MRTFA: variants seen among roughly 807,000 people sequenced by gnomAD.
MRTFA encodes the protein myocardin-related transcription factor A.
In MRTFA, 20 loss-of-function variants were observed where a neutral mutation model predicts 83.5. The observed-to-expected ratio is 0.24, with a 90% CI of 0.17 to 0.35. MRTFA has a LOEUF of 0.35. MRTFA is among the 10% of genes least tolerant of loss of function. The pLI is 1.00. For synonymous variants in MRTFA, 659 were observed against 541.2 expected, an observed-to-expected ratio of 1.22 and a Z score of -3.02; for missense variants, 1,200 against 1,224.7, an observed-to-expected ratio of 0.98 and a Z score of 0.30.
intron 3 of MRTFA, among the ~76,000 whole-genome samples, chr22:40,510,376 A>G (rs1376083451): frequency 6.6e-6 from 1 of 152,200 alleles, no homozygotes; most frequent in Non-Finnish European, 1.5e-5. Context: ...AAAGAAGGCA[A>G]GCTCATGTGA....
chr22:40,414,059 C>T (rs1310682856), intron 14 of MRTFA, among the ~76,000 whole-genome samples: 1 of 152,108 alleles, frequency 6.6e-6, no homozygotes, highest in Admixed American at 6.5e-5. Flanking sequence ...CCATATGAGG[C>T]GGGGTGCGTT....
rs191547255 is a variant in MRTFA, at chr22:40,444,613, G to A, written c.308-9059C>T. Among the ~76,000 whole-genome samples, 297 of 152,302 alleles carry A rather than the reference G, an allele frequency of 2.0e-3. 1 individual carries two copies. The highest frequency in any genetic ancestry group is 6.8e-3 in the African/African-American group (281 of 41,560). Reference sequence around the variant, plus strand: ...GAAACCATGGAGCCCAAAGGAAATGGCACGATATTTCTCACGTGCTATTAA... The same window carrying A: ...GAAACCATGGAGCCCAAAGGAAATGACACGATATTTCTCACGTGCTATTAA... On this transcript the variant is annotated intron_variant, in intron 4 of 14. Transcript: ENST00000355630.
chr22:40,424,335 A>T lies in MRTFA; in HGVS notation c.648T>A (p.Asp216Glu). 1 of 1,613,614 alleles carries T rather than the reference A, an allele frequency of 6.2e-7. No individual in the cohort carries two copies. The highest frequency in any genetic ancestry group is 2.2e-5 in the East Asian group (1 of 44,838). ...GGGATAAGGCATCGCTGCTGTCCTC[A>T]TCGAAGGAAGAGCTGTCTGCTACTT... The change falls in exon 8 of 15, where the codon GAT becomes GAA. Residue 216 changes from aspartate (D) to glutamate (E), a missense_variant. By Grantham distance (45) the Asp-to-Glu change is conservative. Transcript: ENST00000355630.
At chr22:40,624,602 T>C (rs2147440932) in intron 1 of MRTFA, among the ~76,000 whole-genome samples, 1 of 152,116 alleles carries the variant, frequency 6.6e-6, no homozygotes, top group East Asian at 1.9e-4. Context: ...ATCATGAAGG[T>C]AAAGTTTTGA....
At chr22:40,475,230 T>G (rs758243388) in intron 3 of MRTFA, among the ~76,000 whole-genome samples, 8 of 152,168 alleles carry the variant, frequency 5.3e-5, no homozygotes, top group African/African-American at 1.9e-4. Flanking sequence ...CTCTAATAAC[T>G]GGCCCTGTCT....
At chr22:40,501,849 G>A (rs1447253143) in intron 3 of MRTFA, among the ~76,000 whole-genome samples, 2 of 66,976 alleles carry the variant, frequency 3.0e-5, no homozygotes, top group East Asian at 5.7e-4. Flanking sequence ...CTGGCCGGGC[G>A]GGGGGCTGAC....
At chr22:40,551,657 C>T (rs1047491408) in intron 3 of MRTFA, among the ~76,000 whole-genome samples, 34 of 152,194 alleles carry the variant, frequency 2.2e-4, no homozygotes, top group African/African-American at 7.5e-4. Context: ...GCCTAAGTCA[C>T]TACACCCGGC....
At chr22:40,583,203 G>A (rs1281630815) in intron 2 of MRTFA, among the ~76,000 whole-genome samples, 2 of 152,116 alleles carry the variant, frequency 1.3e-5, no homozygotes, top group African/African-American at 4.8e-5. Context: ...ATAGCCACAT[G>A]ACAGCTCATT....
At chr22:40,542,818 G>A (rs1773847624) in intron 3 of MRTFA, among the ~76,000 whole-genome samples, 1 of 152,108 alleles carries the variant, frequency 6.6e-6, no homozygotes, top group South Asian at 2.1e-4. Flanking sequence ...CACAGAATTG[G>A]GTCTGTAGTA....
intron 2 of MRTFA, among the ~76,000 whole-genome samples, chr22:40,557,200 C>T (rs1250762582): frequency 7.2e-5 from 11 of 152,132 alleles, no homozygotes; most frequent in Admixed American, 7.2e-4. Flanking sequence ...CCACGACAGA[C>T]ATGTCTTGGG....
chr22:40,417,054 A>T lies in MRTFA; in HGVS notation c.2518-8T>A. On this transcript the variant is annotated splice_polypyrimidine_tract_variant and splice_region_variant and intron_variant, in intron 13 of 14. Coordinates refer to ENST00000355630, the MANE Select transcript of MRTFA (RefSeq NM_020831.6). ...GCTTGAGGAACCATTTTCCTGTGGG[A>T]CAAAGGAAAAAAAAAAAAGAGATAA... 1 of 1,579,798 alleles carries T rather than the reference A, an allele frequency of 6.3e-7. No individual in the cohort carries two copies. Among genetic ancestry groups the T allele is most frequent in the Non-Finnish European group, 8.6e-7 (1 of 1,162,704 alleles).
chr22:40,464,772 C>A (rs2053785442), intron 3 of MRTFA, among the ~76,000 whole-genome samples: 1 of 152,120 alleles, frequency 6.6e-6, no homozygotes, highest in Admixed American at 6.5e-5. Context: ...AGATCCAAAG[C>A]CAAACTTGTT....
intron 2 of MRTFA, among the ~76,000 whole-genome samples, chr22:40,568,735 T>C (rs553895776): frequency 6.6e-5 from 10 of 152,216 alleles, no homozygotes; most frequent in Non-Finnish European, 1.5e-4. Flanking sequence ...GTTCACACAT[T>C]ACAACTACAT....
At chr22:40,421,937 G>A (rs2052849131) in intron 9 of MRTFA, among the ~76,000 whole-genome samples, 1 of 152,248 alleles carries the variant, frequency 6.6e-6, no homozygotes, top group Non-Finnish European at 1.5e-5. Flanking sequence ...TGACCCACTA[G>A]TGGAAGAACA....
chr22:40,438,621 T>C (rs1456583829), intron 4 of MRTFA, among the ~76,000 whole-genome samples: 3 of 152,226 alleles, frequency 2.0e-5, no homozygotes, highest in Non-Finnish European at 4.4e-5. Context: ...ATGGTTTCAG[T>C]TATTCTAGGC....
intron 3 of MRTFA, among the ~76,000 whole-genome samples, chr22:40,466,838 G>A (rs1177105797): frequency 2.0e-5 from 3 of 152,048 alleles, no homozygotes; most frequent in South Asian, 4.1e-4. Context: ...CTTCATGAAC[G>A]CAAAAATTTA....
chr22:40,418,732 G>T lies in MRTFA; in HGVS notation c.2006C>A (p.Ala669Asp). 1 of 1,455,610 alleles carries T rather than the reference G, an allele frequency of 6.9e-7. No homozygotes were observed. The highest frequency in any genetic ancestry group is 9.1e-7 in the Non-Finnish European group (1 of 1,103,204). The allele number at this position is 1,455,610 out of a possible 1,614,324, so 90.2% of individuals were successfully genotyped here. Residue 669 changes from alanine to aspartate, a missense_variant, in exon 12 of 15, where the codon GCC becomes GAC. Physicochemically the swap from Ala to Asp is moderately radical, Grantham distance 126. This residue lies in a region of MRTFA where 1,107 missense variants were observed against 1,041.8 expected (regional missense o/e 1.06). Transcript: ENST00000355630. ...CTGCTTCACGGGGGTGCCGAGGGGGGCGGGGGCGGGGGCGGGCTGCTGGGC... is the reference window on the plus strand; with the variant it reads ...CTGCTTCACGGGGGTGCCGAGGGGGTCGGGGGCGGGGGCGGGCTGCTGGGC...
intron 4 of MRTFA, among the ~76,000 whole-genome samples, chr22:40,453,725 A>T (rs891107248): frequency 3.3e-5 from 5 of 152,004 alleles, no homozygotes; most frequent in African/African-American, 1.2e-4. Context: ...CTACAATTTT[A>T]GTTAAAAAAA....
intron 4 of MRTFA, among the ~76,000 whole-genome samples, chr22:40,458,899 G>GA (rs982191466): frequency 3.3e-5 from 5 of 151,942 alleles, no homozygotes; most frequent in African/African-American, 1.2e-4. Flanking sequence ...CCAACATGGC[G>GA]AAACTCCATC....
Sources: allele counts gnomAD v4.1 joint callset (sites outside exome capture counted in the v4.1 genomes callset), GRCh38; gene constraint gnomAD v4.1.1; regional missense constraint gnomAD v4.1.1; transcripts MANE v1.5; gene names NCBI Gene and HGNC (gene_info 2026-07-23, HGNC 2026-07-21).